RC3H2: variants seen among roughly 807,000 people sequenced by gnomAD.
The protein encoded by RC3H2 is roquin-2.
In RC3H2, 31 loss-of-function variants were observed where a neutral mutation model predicts 133.3. That is an observed-to-expected ratio of 0.23 (90% CI 0.17 to 0.31). The LOEUF (loss-of-function observed/expected upper bound fraction) is 0.31. RC3H2 is among the 10% of genes least tolerant of loss of function. The probability of loss-of-function intolerance (pLI) is 1.00; values close to 1 mark genes in which losing one functional copy is unlikely to be tolerated. For missense variants in RC3H2, 1,175 were observed against 1,437.2 expected (o/e 0.82, Z 2.95); for synonymous variants, 517 against 502.2 (o/e 1.03, Z -0.40).
rs758718291 is a variant in RC3H2, at chr9:122,865,404, C to T, written c.1579G>A (p.Val527Ile). The change falls in exon 10 of 21, where the codon GTT (valine) becomes ATT (isoleucine). Residue 527 changes from valine to isoleucine, a missense_variant. This residue lies in a region of RC3H2 where 490 missense variants were observed against 492.8 expected (regional missense o/e 0.99). Coordinates refer to ENST00000357244, the MANE Select transcript of RC3H2 (RefSeq NM_001100588.3). The part of the protein sequence containing the change: ...ALETVKKVGK[V>I]GANGQNAAGP... ...GCAGCATTCTGACCATTAGCGCCAA[C>T]CTTTCCCACTTTCTTCACGGTCTCC... 6.2e-7 allele frequency: 1 copy of T among 1,614,154 alleles called. No homozygotes were observed. Among genetic ancestry groups the T allele is most frequent in the Non-Finnish European group, 8.5e-7 (1 of 1,179,986 alleles).
chr9:122,868,261 A>C (rs998616648), intron 9 of RC3H2, among the ~76,000 whole-genome samples: 4 of 152,226 alleles, frequency 2.6e-5, no homozygotes, highest in Non-Finnish European at 4.4e-5. Flanking sequence ...CTCATTGAGA[A>C]CGGGCCATGA....
Position 122,845,607 on chromosome 9 carries a change from ACT to A in RC3H2, c.*4018_*4019del, listed in dbSNP as rs1829852624. ...TAACTGCTCTTGGAGTAAAAATAAG[ACT>A]CCACTCAAATGTGGGGTGTTTTGAT... is the stretch of plus-strand genomic sequence containing the variant. On this transcript the variant is annotated 3_prime_UTR_variant, in exon 21 of 21. Coordinates refer to ENST00000357244, the MANE Select transcript of RC3H2 (RefSeq NM_001100588.3). 1 of 152,024 alleles carries A rather than the reference ACT, an allele frequency of 6.6e-6. No individual in the cohort carries two copies. Among genetic ancestry groups the A allele is most frequent in the African/African-American group, 2.4e-5 (1 of 41,396 alleles). 9.4% of individuals were successfully genotyped at this position (152,024 alleles called of 1,614,324 possible). A position where few individuals can be genotyped will look rare whatever the true frequency, so the allele number is the denominator to read the frequency against.
chr9:122,880,223 G>C (rs756643815), intron 6 of RC3H2, 98 bp from the exon 7 acceptor site: 1 of 1,345,686 alleles, frequency 7.4e-7, no homozygotes, highest in Non-Finnish European at 1.1e-6. Flanking sequence ...ACGTTTTCAA[G>C]TGTCTTCAGA....
intron 20 of RC3H2, 131 bp from the exon 21 acceptor site, chr9:122,849,953 A>G: frequency 4.0e-6 from 2 of 499,258 alleles, no homozygotes; most frequent in Non-Finnish European, 6.7e-6. Flanking sequence ...TTATCACTAG[A>G]AGTATCAGAA....
intron 10 of RC3H2, among the ~76,000 whole-genome samples, chr9:122,861,107 T>C (rs1830438674): frequency 6.6e-6 from 1 of 152,154 alleles, no homozygotes; most frequent in Admixed American, 6.5e-5. Flanking sequence ...CCTTTTATTA[T>C]TATTATTTTT....
chr9:122,880,319 T>C lies in RC3H2; in HGVS notation c.961-194A>G, dbSNP rs764598082. On this transcript the variant is annotated intron_variant, in intron 6 of 20. Coordinates refer to ENST00000357244, the MANE Select transcript of RC3H2 (RefSeq NM_001100588.3). ...TTCATCATTAGACACTTAGAAAACT[T>C]ATAAGCTGTATTAACTCTCTGAGGT... 2.7e-5 allele frequency: 22 copies of C among 820,674 alleles called. No homozygotes were observed. In the South Asian group the frequency reaches 2.9e-4, roughly 11 times the overall value. 50.8% of individuals were successfully genotyped at this position (820,674 alleles called of 1,614,324 possible). A position where few individuals can be genotyped will look rare whatever the true frequency, so the allele number is the denominator to read the frequency against.
intron 1 of RC3H2, among the ~76,000 whole-genome samples, chr9:122,904,776 C>T (rs1832776917): frequency 6.6e-6 from 1 of 152,220 alleles, no homozygotes; most frequent in Non-Finnish European, 1.5e-5. Flanking sequence ...CTCTTCCAAA[C>T]CCCCTTACTA....
intron 2 of RC3H2, among the ~76,000 whole-genome samples, chr9:122,895,782 C>T (rs1170383953): frequency 6.6e-6 from 1 of 152,106 alleles, no homozygotes; most frequent in East Asian, 1.9e-4. Context: ...ACATGATGTA[C>T]AGAATTTCAT....
intron 1 of RC3H2, among the ~76,000 whole-genome samples, chr9:122,904,713 G>A (rs1832774390): frequency 6.6e-6 from 1 of 152,178 alleles, no homozygotes; most frequent in African/African-American, 2.4e-5. Flanking sequence ...AGGGTCTCGG[G>A]AAGCCCCAGG....
intron 9 of RC3H2, among the ~76,000 whole-genome samples, chr9:122,868,443 C>T (rs1012629148): frequency 7.3e-5 from 11 of 151,666 alleles, no homozygotes; most frequent in Admixed American, 1.3e-4. Flanking sequence ...TGACCTTACC[C>T]CCAACCCTGT....
At chr9:122,892,870 A>G (rs770931519) in intron 3 of RC3H2, 39 bp downstream of exon 3, 5 of 1,487,858 alleles carry the variant, frequency 3.4e-6, no homozygotes, top group Non-Finnish European at 3.7e-6. Context: ...TGTACTACCA[A>G]GTCCTACTTA....
chr9:122,854,719 A>G (rs1466444085), intron 15 of RC3H2, 104 bp from the exon 16 acceptor site: 2 of 761,518 alleles, frequency 2.6e-6, no homozygotes, highest in South Asian at 1.5e-5. Flanking sequence ...CCCACTAGCC[A>G]TATGATGCTG....
chr9:122,878,512 C>T (rs781000635), intron 8 of RC3H2, among the ~76,000 whole-genome samples: 27 of 151,974 alleles, frequency 1.8e-4, no homozygotes, highest in East Asian at 3.9e-4. Context: ...CCTTGTGATC[C>T]GCCCGCCTCA....
intron 9 of RC3H2, among the ~76,000 whole-genome samples, chr9:122,867,461 G>A (rs1166778136): frequency 6.7e-6 from 1 of 149,266 alleles, no homozygotes; most frequent in East Asian, 2.0e-4. Flanking sequence ...GGAGGTGGGG[G>A]GGTCAGCCCC....
At chr9:122,896,915 A>G (rs1364306836) in intron 2 of RC3H2, among the ~76,000 whole-genome samples, 2 of 150,708 alleles carry the variant, frequency 1.3e-5, no homozygotes, top group Non-Finnish European at 2.9e-5. Flanking sequence ...AGTCCCAGCT[A>G]CTTGGGAGGC....
intron 20 of RC3H2, 38 bp downstream of exon 20, chr9:122,851,043 T>C (rs1830000242): frequency 6.2e-7 from 1 of 1,611,056 alleles, no homozygotes; most frequent in Admixed American, 1.7e-5. Flanking sequence ...TATTATGTCC[T>C]ATGCCCACTG....
At chr9:122,862,159 G>T (rs1462516997) in intron 10 of RC3H2, among the ~76,000 whole-genome samples, 1 of 151,612 alleles carries the variant, frequency 6.6e-6, no homozygotes, top group Non-Finnish European at 1.5e-5. Flanking sequence ...AACATTTATT[G>T]CCTCATGAAA....
chr9:122,878,788 G>A (rs948726274), intron 8 of RC3H2, among the ~76,000 whole-genome samples: 6 of 151,654 alleles, frequency 4.0e-5, no homozygotes, highest in Non-Finnish European at 8.8e-5. Context: ...TCACTCTGTC[G>A]CCCAGGCTGG....
rs375179237 is a variant in RC3H2 at position 122,848,054 on chromosome 9, C to G, written c.*1573G>C. 10 of 152,164 alleles carry G rather than the reference C, an allele frequency of 6.6e-5. No individual in the cohort carries two copies. The highest frequency in any genetic ancestry group is 2.4e-4 in the African/African-American group (10 of 41,526). The allele number at this position is 152,164 out of a possible 1,614,324, so 9.4% of individuals were successfully genotyped here. On this transcript the variant is annotated 3_prime_UTR_variant, in exon 21 of 21. Coordinates refer to ENST00000357244, the MANE Select transcript of RC3H2 (RefSeq NM_001100588.3). The stretch of plus-strand genomic sequence containing the variant: ...TGGAAATGTGCACAAAACTTTTTAT[C>G]AAAATCTTATCTGATACAATGCTGT...
Sources: allele counts gnomAD v4.1 joint callset (sites outside exome capture counted in the v4.1 genomes callset), GRCh38; gene constraint gnomAD v4.1.1; regional missense constraint gnomAD v4.1.1; transcripts MANE v1.5; gene names NCBI Gene and HGNC (gene_info 2026-07-23, HGNC 2026-07-21).